Variants in EIF3K observed in about 807,000 individuals in gnomAD.
The protein encoded by EIF3K is eukaryotic translation initiation factor 3 subunit K, also known as eIF-3 p28.
EIF3K carries 27 observed loss-of-function variants against 34.2 expected under a neutral mutation model. That is an observed-to-expected ratio of 0.79 (90% confidence interval 0.58 to 1.09). The LOEUF (loss-of-function observed/expected upper bound fraction) is 1.09. Ranked by LOEUF, EIF3K falls within the 50% of genes least tolerant of loss-of-function variation. The pLI, the probability that EIF3K is intolerant of heterozygous loss-of-function variation, is 0.00. For missense variants in EIF3K, 232 were observed against 275.4 expected (o/e 0.84, Z 1.11); for synonymous variants, 105 against 105.7 (o/e 0.99, Z 0.04).
chr19:38,625,347 G>A (rs931839686), intron 3 of EIF3K, among the ~76,000 whole-genome samples: 5 of 151,778 alleles, frequency 3.3e-5, no homozygotes, highest in African/African-American at 7.3e-5. Flanking sequence ...TGTATTTTTA[G>A]TAGAGACGGG....
chr19:38,635,160 G>A, intron 7 of EIF3K, 42 bp downstream of exon 7: 6 of 1,613,504 alleles, frequency 3.7e-6, no homozygotes, highest in Non-Finnish European at 5.1e-6. Context: ...GGCTAAGGGG[G>A]TGCCCCTCAA....
chr19:38,636,618 T>TA (rs1451531774), intron 7 of EIF3K, among the ~76,000 whole-genome samples: 1 of 152,192 alleles, frequency 6.6e-6, no homozygotes, highest in African/African-American at 2.4e-5. Context: ...AGGTGCTTCT[T>TA]AAAGATAGGA....
chr19:38,625,877 G>A (rs774964526), intron 3 of EIF3K, 151 bp from the exon 4 acceptor site: 2 of 736,756 alleles, frequency 2.7e-6, no homozygotes, highest in Non-Finnish European at 4.8e-6. Flanking sequence ...GCATACACCT[G>A]CAGGAGAAAT....
intron 6 of EIF3K, 34 bp from the exon 7 acceptor site, chr19:38,634,959 G>T (rs747625677): frequency 1.9e-6 from 3 of 1,613,478 alleles, no homozygotes; most frequent in South Asian, 1.1e-5. Context: ...GGATCAGGCT[G>T]ACTGAAGCCC....
rs1221792682 is a variant in EIF3K, at chr19:38,629,259, T to TTTTG, written c.355-3159_355-3156dup. ...TCCATGGAACAGATAGACAGGTTTT[T>TTTTG]TTTGTTTGTTTGTTTTGTTTTGTTT... On this transcript the variant is annotated intron_variant, in intron 4 of 7. Coordinates refer to ENST00000248342, the MANE Select transcript of EIF3K (RefSeq NM_013234.4). Among the ~76,000 whole-genome samples, 167 of 149,696 alleles carry TTTTG rather than the reference T, an allele frequency of 1.1e-3. 4 individuals are homozygous for TTTTG. The South Asian group carries it at 0.023, about 21-fold the overall frequency.
chr19:38,625,003 C>T (rs1055134958), intron 3 of EIF3K, among the ~76,000 whole-genome samples: 2 of 152,034 alleles, frequency 1.3e-5, no homozygotes, highest in Non-Finnish European at 2.9e-5. Context: ...ACATCTAAAA[C>T]ATAACGAGTT....
intron 4 of EIF3K, among the ~76,000 whole-genome samples, chr19:38,630,506 G>A (rs912833006): frequency 1.3e-5 from 2 of 151,572 alleles, no homozygotes; most frequent in Admixed American, 6.6e-5. Context: ...CACCACACCT[G>A]GCTAATTTTT....
intron 3 of EIF3K, among the ~76,000 whole-genome samples, chr19:38,624,851 A>G (rs1037183362): frequency 6.6e-6 from 1 of 152,204 alleles, no homozygotes; most frequent in Admixed American, 6.5e-5. Flanking sequence ...GGAAAGGTGG[A>G]AAGGTACCCA....
Position 38,624,045 on chromosome 19 carries a change from A to G in EIF3K, c.159-32A>G, listed in dbSNP as rs1975897317. The G allele has an allele frequency of 2.5e-6, 4 of 1,613,502 alleles. No homozygotes were observed. The East Asian group carries it at 8.9e-5, about 36-fold the overall frequency. The stretch of plus-strand genomic sequence containing the variant: ...TGAGGATTGGGGACTTGGAGGTGCC[A>G]CTGTGGCCACGTCTCTTGTTCTTTT... On this transcript the variant is annotated intron_variant, in intron 2 of 7. Transcript: ENST00000248342.
intron 4 of EIF3K, 47 bp from the exon 5 acceptor site, chr19:38,632,383 A>AAAT: frequency 6.4e-7 from 1 of 1,566,898 alleles, no homozygotes; most frequent in Non-Finnish European, 8.8e-7. Context: ...AAATAAAAGC[A>AAAT]AATAATTTAA....
At position 38,626,107 on chromosome 19, in the gene EIF3K, C is replaced by G; in HGVS notation, c.354+5C>G. 6.2e-7 allele frequency: 1 copy of G among 1,614,070 alleles called. No homozygotes were observed. The highest frequency in any genetic ancestry group is 8.5e-7 in the Non-Finnish European group (1 of 1,179,954). ...TGCCATTTCCAGGCCTTCTGGGTAA[C>G]TTCCCTGGGGTCCAGGGGCAGGGGA... On this transcript the variant is annotated splice_donor_5th_base_variant and intron_variant, in intron 4 of 7. Coordinates refer to ENST00000248342, the MANE Select transcript of EIF3K (RefSeq NM_013234.4).
intron 7 of EIF3K, among the ~76,000 whole-genome samples, 174 bp from the exon 8 acceptor site, chr19:38,636,715 C>T (rs551295496): frequency 6.6e-6 from 1 of 152,258 alleles, no homozygotes; most frequent in African/African-American, 2.4e-5. Context: ...CCTAGCCCTC[C>T]TTGCTCCAGA....
chr19:38,631,249 A>C (rs1456591634), intron 4 of EIF3K, among the ~76,000 whole-genome samples: 6 of 152,190 alleles, frequency 3.9e-5, no homozygotes, highest in Non-Finnish European at 8.8e-5. Flanking sequence ...AAGGGGGCCC[A>C]GGGGACCGCG....
chr19:38,627,384 C>G (rs1038191199), intron 4 of EIF3K, among the ~76,000 whole-genome samples: 1 of 151,926 alleles, frequency 6.6e-6, no homozygotes, highest in Non-Finnish European at 1.5e-5. Flanking sequence ...CAGCCCCTGG[C>G]TGGCCACGGT....
intron 4 of EIF3K, among the ~76,000 whole-genome samples, chr19:38,626,870 G>C (rs1006204942): frequency 6.6e-6 from 1 of 152,138 alleles, no homozygotes; most frequent in African/African-American, 2.4e-5. Context: ...ACAGTGGCAC[G>C]ATCTTGGCTC....
chr19:38,634,090 CTTT>C (rs757394196), intron 6 of EIF3K, among the ~76,000 whole-genome samples: 1,081 of 85,868 alleles, frequency 0.013, 6 homozygotes, highest in African/African-American at 0.052. Flanking sequence ...TAAAAGCTAA[CTTT>C]TTTTTTTTTT....
intron 7 of EIF3K, among the ~76,000 whole-genome samples, chr19:38,636,139 A>G (rs1019758010): frequency 6.6e-6 from 1 of 152,200 alleles, no homozygotes; most frequent in Non-Finnish European, 1.5e-5. Context: ...TAGTGAGGAA[A>G]GGGCCTCCTT....
At chr19:38,632,559 G>C (rs374789647) in intron 5 of EIF3K, 42 bp from the exon 6 acceptor site, 3 of 1,612,392 alleles carry the variant, frequency 1.9e-6, no homozygotes, top group Admixed American at 1.7e-5. Flanking sequence ...AGCCAGGTCC[G>C]GGGGGACAGC....
At chr19:38,632,334 TG>T in intron 4 of EIF3K, 95 bp from the exon 5 acceptor site, 1 of 1,209,548 alleles carries the variant, frequency 8.3e-7, no homozygotes, top group Non-Finnish European at 1.2e-6. Context: ...AAGACCAGCC[TG>T]GGCAACGTAG....
Sources: allele counts gnomAD v4.1 joint callset (sites outside exome capture counted in the v4.1 genomes callset), GRCh38; gene constraint gnomAD v4.1.1; transcripts MANE v1.5; gene names NCBI Gene and HGNC (gene_info 2026-07-23, HGNC 2026-07-21).